The following RABGAP1L variants were observed in gnomAD, a reference collection of about 807,000 sequenced individuals.
RABGAP1L encodes the protein rab GTPase-activating protein 1-like.
RABGAP1L carries 63 observed loss-of-function variants against 137.7 expected under a neutral mutation model. The ratio of observed to expected loss-of-function variants is 0.46; its 90% CI spans 0.37 to 0.56. The LOEUF is 0.56. Among genes scored for constraint, RABGAP1L ranks in the 20% least tolerant of loss-of-function variants. The pLI is 0.00. For synonymous variants in RABGAP1L, 431 were observed against 433.7 expected, an observed-to-expected ratio of 0.99 and a Z score of 0.08; for missense variants, 1,095 against 1,244.0, an observed-to-expected ratio of 0.88 and a Z score of 1.80.
At chr1:174,546,648 T>G (rs1184504534) in intron 13 of RABGAP1L, among the ~76,000 whole-genome samples, 1 of 152,184 alleles carries the variant, frequency 6.6e-6, no homozygotes, top group East Asian at 1.9e-4. Context: ...GGTAAGGGAA[T>G]TAGAACCATT....
At chr1:174,343,078 G>A (rs1682122101) in intron 11 of RABGAP1L, among the ~76,000 whole-genome samples, 1 of 152,006 alleles carries the variant, frequency 6.6e-6, no homozygotes, top group South Asian at 2.1e-4. Context: ...TTTTCCAAGA[G>A]GAATATTCTT....
intron 13 of RABGAP1L, among the ~76,000 whole-genome samples, chr1:174,426,356 T>C (rs1395052602): frequency 1.3e-5 from 2 of 152,114 alleles, no homozygotes; most frequent in African/African-American, 2.4e-5. Flanking sequence ...TATTTGCATA[T>C]GTAAGCATTT....
At chr1:174,201,486 AC>A (rs1204838617) in intron 1 of RABGAP1L, among the ~76,000 whole-genome samples, 1 of 151,940 alleles carries the variant, frequency 6.6e-6, no homozygotes, top group Non-Finnish European at 1.5e-5. Context: ...GTGCCACCGC[AC>A]CCGGCCTAGA....
intron 11 of RABGAP1L, among the ~76,000 whole-genome samples, chr1:174,342,066 T>C (rs1682021907): frequency 6.6e-6 from 1 of 152,076 alleles, no homozygotes. Flanking sequence ...CAGTAAAGCG[T>C]GTGTTTTAAA....
At chr1:174,713,112 A>G (rs1680710306) in intron 17 of RABGAP1L, among the ~76,000 whole-genome samples, 2 of 152,144 alleles carry the variant, frequency 1.3e-5, no homozygotes, top group South Asian at 4.1e-4. Context: ...CCCCCATACT[A>G]TATCATTAAG....
intron 13 of RABGAP1L, chr1:174,548,087 G>A (rs758202820): frequency 6.5e-7 from 1 of 1,545,542 alleles, no homozygotes; most frequent in South Asian, 1.2e-5. Context: ...CTTAGCATGA[G>A]TGCTTTCTTT....
At chr1:174,873,162 G>C (rs1652472751) in intron 19 of RABGAP1L, among the ~76,000 whole-genome samples, 1 of 151,978 alleles carries the variant, frequency 6.6e-6, no homozygotes, top group Admixed American at 6.6e-5. Flanking sequence ...TCTGCCTCCT[G>C]GGTTCAAGCG....
intron 13 of RABGAP1L, among the ~76,000 whole-genome samples, chr1:174,420,919 C>T (rs1651205047): frequency 6.6e-6 from 1 of 152,124 alleles, no homozygotes; most frequent in Admixed American, 6.5e-5. Context: ...TCATGATCTG[C>T]CCTCCTTGGC....
At chr1:174,881,057 G>A (rs1199428737) in intron 19 of RABGAP1L, among the ~76,000 whole-genome samples, 1 of 152,174 alleles carries the variant, frequency 6.6e-6, no homozygotes, top group African/African-American at 2.4e-5. Context: ...TGCTCAATAA[G>A]TATAGGACGT....
chr1:174,326,718 C>T (rs1353701169), intron 11 of RABGAP1L, among the ~76,000 whole-genome samples: 1 of 152,004 alleles, frequency 6.6e-6, no homozygotes, highest in African/African-American at 2.4e-5. Flanking sequence ...CTAGATTTAC[C>T]AATCAGGTTT....
chr1:174,991,478 A>G lies in RABGAP1L; in HGVS notation c.*1477A>G, dbSNP rs1269774122. ...TAGAAGAATCAAATAAGAGCCATCT[A>G]CATCCCAGGAGGATGCACCAAGTTG... On this transcript the variant is annotated 3_prime_UTR_variant, in exon 26 of 26. Coordinates refer to ENST00000681986, the MANE Select transcript of RABGAP1L (RefSeq NM_001366446.1). The G allele has an allele frequency of 6.6e-6, 1 of 152,196 alleles. No homozygotes were observed. Among genetic ancestry groups the G allele is most frequent in the African/African-American group, 2.4e-5 (1 of 41,440 alleles). The allele number at this position is 152,196 out of a possible 1,614,324, so 9.4% of individuals were successfully genotyped here.
chr1:174,353,691 A>G (rs1683383180), intron 11 of RABGAP1L, among the ~76,000 whole-genome samples: 1 of 152,156 alleles, frequency 6.6e-6, no homozygotes, highest in African/African-American at 2.4e-5. Flanking sequence ...CTGCTGTAAT[A>G]GGGCAGCAGT....
In RABGAP1L at chr1:174,188,380, C is replaced by T. The variant is rs145806989; in HGVS notation, c.-34+28723C>T. 1.5e-3 allele frequency among the ~76,000 whole-genome samples: 232 copies of T among 152,164 alleles called. 1 individual carries two copies. Among genetic ancestry groups the T allele is most frequent in the East Asian group, 6.0e-3 (31 of 5,190 alleles). ...ATAAGTATTATCAGCTGGTATGTTT[C>T]TTATACTTTTCTGGGAATACAAAAA... On this transcript the variant is annotated intron_variant, in intron 1 of 25. Coordinates refer to ENST00000681986, the MANE Select transcript of RABGAP1L (RefSeq NM_001366446.1).
chr1:174,524,361 G>A lies in RABGAP1L; in HGVS notation c.1711-113014G>A, dbSNP rs536876423. On this transcript the variant is annotated intron_variant, in intron 13 of 25. Coordinates refer to ENST00000681986, the MANE Select transcript of RABGAP1L (RefSeq NM_001366446.1). ...ATAGCCATTCTACCTGGGGTAAGAT[G>A]AGAACTCTTTCTGGTTTCGATTTGC... Among the ~76,000 whole-genome samples, 5 of 152,162 alleles carry A rather than the reference G, an allele frequency of 3.3e-5. No individual in the cohort carries two copies. In the East Asian group the frequency reaches 9.6e-4, roughly 29 times the overall value.
At chr1:174,378,789 A>C (rs1483524684) in intron 12 of RABGAP1L, among the ~76,000 whole-genome samples, 1 of 136,290 alleles carries the variant, frequency 7.3e-6, no homozygotes, top group Admixed American at 7.5e-5. Flanking sequence ...TCTTTAGTTT[A>C]ATTAGATCCC....
At chr1:174,607,396 G>T (rs962774144) in intron 13 of RABGAP1L, among the ~76,000 whole-genome samples, 1 of 152,148 alleles carries the variant, frequency 6.6e-6, no homozygotes, top group East Asian at 1.9e-4. Flanking sequence ...TGCTCTCAGA[G>T]GGTAGGGCCA....
chr1:174,871,122 A>G (rs1652120342), intron 19 of RABGAP1L, among the ~76,000 whole-genome samples: 1 of 151,798 alleles, frequency 6.6e-6, no homozygotes, highest in South Asian at 2.1e-4. Flanking sequence ...CCTTATGCAC[A>G]TTATAAGCAT....
At chr1:174,896,483 C>A (rs1657194812) in intron 19 of RABGAP1L, among the ~76,000 whole-genome samples, 1 of 152,070 alleles carries the variant, frequency 6.6e-6, no homozygotes, top group African/African-American at 2.4e-5. Flanking sequence ...GTTGCCATTG[C>A]TTTTGGTGTT....
At chr1:174,206,869 A>G (rs1668538614) in intron 1 of RABGAP1L, among the ~76,000 whole-genome samples, 1 of 152,140 alleles carries the variant, frequency 6.6e-6, no homozygotes, top group South Asian at 2.1e-4. Context: ...ATTATTGCTC[A>G]TTTAGCAAAA....
Sources: gnomAD v4.1 joint callset for allele counts (sites outside exome capture counted in the v4.1 genomes callset) on GRCh38, gnomAD v4.1.1 for gene constraint, MANE v1.5 for transcripts, NCBI Gene and HGNC (gene_info 2026-07-23, HGNC 2026-07-21) for gene names.